The following RTCA variants were observed in gnomAD, a reference collection of about 807,000 sequenced individuals.
RTCA encodes the protein RNA 3'-terminal phosphate cyclase, also known as RNA terminal phosphate cyclase domain 1.
Under a neutral mutation model 46.1 loss-of-function variants are expected in RTCA, and 37 were observed. The ratio of observed to expected loss-of-function variants is 0.80; its 90% CI spans 0.62 to 1.06. RTCA has a LOEUF of 1.06. Ranked by LOEUF, RTCA falls within the 50% of genes least tolerant of loss-of-function variation. The pLI is 0.00. For missense variants in RTCA, 435 were observed against 455.5 expected, an observed-to-expected ratio of 0.95 and a Z score of 0.41; for synonymous variants, 164 against 158.3, an observed-to-expected ratio of 1.04 and a Z score of -0.27.
intron 10 of RTCA, among the ~76,000 whole-genome samples, chr1:100,287,711 A>G (rs1451181804): frequency 6.6e-6 from 1 of 152,020 alleles, no homozygotes; most frequent in Non-Finnish European, 1.5e-5. Flanking sequence ...GTCCTCTGAA[A>G]TTTAGTAGAG....
intron 5 of RTCA, 66 bp downstream of exon 5, chr1:100,273,518 C>A: frequency 1.0e-6 from 1 of 987,090 alleles, no homozygotes. Flanking sequence ...AAAAGTTAGA[C>A]CCTTAGAGAA....
intron 10 of RTCA, among the ~76,000 whole-genome samples, chr1:100,289,607 C>T (rs1466235349): frequency 2.6e-5 from 4 of 152,124 alleles, no homozygotes; most frequent in Non-Finnish European, 5.9e-5. Context: ...ATAACTATTA[C>T]TTGTCTGTCT....
chr1:100,267,183 T>G (rs1251243933), intron 2 of RTCA: 1 of 293,948 alleles, frequency 3.4e-6, no homozygotes, highest in African/African-American at 2.2e-5. Flanking sequence ...TGCCACTAGT[T>G]GAGCTTCAGG....
In RTCA at chr1:100,277,225, G is replaced by C. The variant is rs547355867; in HGVS notation, c.741-33G>C. The C allele has an allele frequency of 3.0e-5, 47 of 1,591,850 alleles. 1 individual carries two copies. In the South Asian group the frequency reaches 4.9e-4, roughly 16 times the overall value. On this transcript the variant is annotated intron_variant, in intron 7 of 10. Transcript: ENST00000370128. ...TTTGCATAAATTTGGAACATTTATA[G>C]CAAAGGTAGTAATAACTTTTTTTCT... is the stretch of plus-strand genomic sequence containing the variant.
chr1:100,289,886 C>T (rs181930654), intron 10 of RTCA, among the ~76,000 whole-genome samples: 2 of 152,304 alleles, frequency 1.3e-5, no homozygotes, highest in East Asian at 3.9e-4. Flanking sequence ...GCCTGCTATG[C>T]TCCTTTCAGG....
chr1:100,270,659 A>G lies in RTCA; in HGVS notation c.393A>G (p.Pro131=), dbSNP rs562539591. ...GTGGAACTAATGCTGAAATGGCACC[A>G]CAGATCGATTATACAGTGATGGTAA... is the stretch of plus-strand genomic sequence containing the variant. The part of the protein sequence containing the change: ...LKGGTNAEMA[P]QIDYTVMVFK... Residue 131 remains proline (P), a synonymous_variant, in exon 4 of 11, where the codon CCA becomes CCG. Coordinates refer to ENST00000370128, the MANE Select transcript of RTCA (RefSeq NM_003729.4). The G allele has an allele frequency of 4.3e-6, 7 of 1,614,116 alleles. No homozygotes were observed. In the African/African-American group the frequency reaches 6.7e-5, roughly 15 times the overall value.
chr1:100,273,589 G>A, intron 5 of RTCA, 137 bp downstream of exon 5: 1 of 498,414 alleles, frequency 2.0e-6, no homozygotes. Flanking sequence ...TGTACTTTGT[G>A]GCTTAAAAAT....
chr1:100,280,623 T>G (rs916995342), intron 8 of RTCA, among the ~76,000 whole-genome samples: 1 of 152,204 alleles, frequency 6.6e-6, no homozygotes, highest in Non-Finnish European at 1.5e-5. Context: ...CCAGCTTGTC[T>G]ATATATTAAG....
At chr1:100,274,518 A>G (rs979673524) in intron 5 of RTCA, among the ~76,000 whole-genome samples, 2 of 152,220 alleles carry the variant, frequency 1.3e-5, no homozygotes, top group South Asian at 2.1e-4. Context: ...ATGCTGTCCA[A>G]TATGGTAGTC....
Position 100,275,674 on chromosome 1 carries a change from C to T in RTCA, c.691C>T (p.Pro231Ser), listed in dbSNP as rs781216356. 3.7e-6 allele frequency: 6 copies of T among 1,611,852 alleles called. No individual in the cohort carries two copies. Among genetic ancestry groups the T allele is most frequent in the East Asian group, 2.2e-5 (1 of 44,782 alleles). The change falls in exon 7 of 11, where the codon CCT (proline) becomes TCT (serine). Residue 231 changes from proline to serine, a missense_variant. Coordinates refer to ENST00000370128, the MANE Select transcript of RTCA (RefSeq NM_003729.4). ...EIRDLYVNIQ[P>S]VQEPKDQAFG... The stretch of plus-strand genomic sequence containing the variant: ...CCGGGATTTGTATGTTAACATCCAG[C>T]CTGTTCAAGAACCTAAAGACCAAGC...
intron 8 of RTCA, among the ~76,000 whole-genome samples, chr1:100,284,062 T>C (rs1666895526): frequency 6.6e-6 from 1 of 150,554 alleles, no homozygotes; most frequent in Admixed American, 6.6e-5. Context: ...AAATATAAAA[T>C]AGAAACAAAA....
chr1:100,290,541 C>G (rs1031613191), intron 10 of RTCA, among the ~76,000 whole-genome samples: 2 of 152,164 alleles, frequency 1.3e-5, no homozygotes, highest in African/African-American at 2.4e-5. Flanking sequence ...GAAGCTGACG[C>G]AGGAGGATCA....
chr1:100,287,219 G>C lies in RTCA; in HGVS notation c.999+16G>C, dbSNP rs1667076880. ...AATAGCAAAGGTGAGTATTCTATCAGAAAGGGAAATTGATATTTTGATTTT... is the reference window on the plus strand; with the variant it reads ...AATAGCAAAGGTGAGTATTCTATCACAAAGGGAAATTGATATTTTGATTTT... On this transcript the variant is annotated intron_variant, in intron 10 of 10. Transcript: ENST00000370128. The C allele has an allele frequency of 6.6e-7, 1 of 1,507,490 alleles. No homozygotes were observed. Among genetic ancestry groups the C allele is most frequent in the Admixed American group, 2.4e-5 (1 of 41,358 alleles). 93.4% of individuals were successfully genotyped at this position (1,507,490 alleles called of 1,614,324 possible). A position where few individuals can be genotyped will look rare whatever the true frequency, so the allele number is the denominator to read the frequency against.
rs774684681 is a variant in RTCA, at chr1:100,267,503, T to C, written c.147-649T>C. 4 of 1,544,672 alleles carry C rather than the reference T, an allele frequency of 2.6e-6. No individual in the cohort carries two copies. The East Asian group carries it at 7.3e-5, about 28-fold the overall frequency. ...ACAGAAATTTATTTCCTCACAGTTC[T>C]GGAGGCTGGAAGTCCAAGATCAAGG... On this transcript the variant is annotated intron_variant, in intron 2 of 10. Transcript: ENST00000370128.
intron 8 of RTCA, among the ~76,000 whole-genome samples, chr1:100,283,145 T>C (rs1666803021): frequency 6.7e-6 from 1 of 149,518 alleles, no homozygotes; most frequent in Non-Finnish European, 1.5e-5. Context: ...TCTCATTATG[T>C]ATATCCAAAT....
chr1:100,273,427 A>G lies in RTCA; in HGVS notation c.448A>G (p.Ile150Val), dbSNP rs139503358. Residue 150 changes from isoleucine (I) to valine (V), a missense_variant, in exon 5 of 11, where the codon ATA becomes GTA. Transcript: ENST00000370128. ...GCCAATTGTTGAAAAATTTGGTTTC[A>G]TATTTAATTGTGACATTAAAACAAG... Reference protein sequence around the residue: ...FKPIVEKFGFIFNCDIKTRGY... With the variant: ...FKPIVEKFGFVFNCDIKTRGY... The G allele has an allele frequency of 8.0e-5, 127 of 1,585,958 alleles. No individual in the cohort carries two copies. The highest frequency in any genetic ancestry group is 3.0e-4 in the Admixed American group (17 of 56,500).
intron 10 of RTCA, among the ~76,000 whole-genome samples, chr1:100,290,184 T>G (rs548864620): frequency 6.6e-6 from 1 of 152,326 alleles, no homozygotes; most frequent in Non-Finnish European, 1.5e-5. Flanking sequence ...GTGATGGTTT[T>G]CAAATTGTGC....
chr1:100,273,462 T>G lies in RTCA; in HGVS notation c.473+10T>G. On this transcript the variant is annotated intron_variant, in intron 5 of 10. Transcript: ENST00000370128. ...GTGACATTAAAACAAGGTAAGTTGCTTGTTTCTTAAATGTTAGGATCTATT... is the reference window on the plus strand; with the variant it reads ...GTGACATTAAAACAAGGTAAGTTGCGTGTTTCTTAAATGTTAGGATCTATT... 1.9e-6 allele frequency: 3 copies of G among 1,541,318 alleles called. No homozygotes were observed. The highest frequency in any genetic ancestry group is 2.7e-6 in the Non-Finnish European group (3 of 1,129,070).
At position 100,274,879 on chromosome 1, in the gene RTCA, C is replaced by T; in HGVS notation, c.529C>T (p.Gln177Ter). 1 of 1,613,598 alleles carries T rather than the reference C, an allele frequency of 6.2e-7. No homozygotes were observed. The highest frequency in any genetic ancestry group is 8.5e-7 in the Non-Finnish European group (1 of 1,179,630). Residue 177 changes from glutamine (Q) to a stop codon, truncating the protein, a stop_gained, in exon 6 of 11, where the codon CAA becomes TAA. Transcript: ENST00000370128. LOFTEE classifies it high-confidence loss of function. ...EVIVRMSPVK[Q>*]LNPINLTERG... The stretch of plus-strand genomic sequence containing the variant: ...GATTGTTCGAATGTCACCAGTTAAA[C>T]AATTGAACCCTATAAATTTAACTGA...
Sources: gnomAD v4.1 joint callset for allele counts (sites outside exome capture counted in the v4.1 genomes callset) on GRCh38, gnomAD v4.1.1 for gene constraint, MANE v1.5 for transcripts, NCBI Gene and HGNC (gene_info 2026-07-23, HGNC 2026-07-21) for gene names.